RALYL: variants seen among roughly 807,000 people sequenced by gnomAD.
RALYL encodes the protein RNA-binding Raly-like protein.
RALYL carries 29 observed loss-of-function variants against 35.1 expected under a neutral mutation model. That is an observed-to-expected ratio of 0.83 (90% CI 0.61 to 1.13). The LOEUF (loss-of-function observed/expected upper bound fraction) is 1.13. RALYL is among the 50% of genes most tolerant of loss of function. The pLI is 0.00. For missense variants in RALYL, 359 were observed against 360.4 expected (o/e 1.00, Z 0.03); for synonymous variants, 120 against 127.6 (o/e 0.94, Z 0.40).
At chr8:84,723,066 G>A (rs538292439) in intron 2 of RALYL, among the ~76,000 whole-genome samples, 81 of 152,008 alleles carry the variant, frequency 5.3e-4, no homozygotes, top group African/African-American at 2.0e-3. Context: ...TAAAATTTTA[G>A]ATAATTTAAA....
intron 1 of RALYL, among the ~76,000 whole-genome samples, chr8:84,502,062 A>AT (rs1285342087): frequency 6.6e-6 from 1 of 151,840 alleles, no homozygotes; most frequent in African/African-American, 2.4e-5. Context: ...TCAAAATACC[A>AT]TTTTTTGACA....
intron 2 of RALYL, among the ~76,000 whole-genome samples, chr8:84,544,673 A>G (rs964040754): frequency 6.6e-6 from 1 of 152,078 alleles, no homozygotes; most frequent in Non-Finnish European, 1.5e-5. Flanking sequence ...ATTCCAAGAA[A>G]TGAGTGTGGG....
At chr8:84,644,550 C>T (rs1226316941) in intron 2 of RALYL, among the ~76,000 whole-genome samples, 2 of 152,018 alleles carry the variant, frequency 1.3e-5, no homozygotes, top group Non-Finnish European at 2.9e-5. Flanking sequence ...TAAGGAAGAT[C>T]TGACTGCTGG....
chr8:84,456,472 C>G (rs1018820464), intron 1 of RALYL, among the ~76,000 whole-genome samples: 2 of 151,872 alleles, frequency 1.3e-5, no homozygotes, highest in African/African-American at 2.4e-5. Context: ...AAATGTTCTT[C>G]TTTATTATGC....
intron 1 of RALYL, among the ~76,000 whole-genome samples, chr8:84,194,749 A>G (rs1814797973): frequency 6.6e-6 from 1 of 152,160 alleles, no homozygotes; most frequent in Non-Finnish European, 1.5e-5. Flanking sequence ...TGACTGAGAA[A>G]TGCTTAGTCA....
chr8:84,368,370 A>G, intron 1 of RALYL, among the ~76,000 whole-genome samples: 1 of 152,272 alleles, frequency 6.6e-6, no homozygotes, highest in Non-Finnish European at 1.5e-5. Flanking sequence ...ACAAAATTAT[A>G]TCTAAAATGC....
chr8:84,878,475 A>G (rs1270862038), intron 7 of RALYL, among the ~76,000 whole-genome samples: 1 of 152,056 alleles, frequency 6.6e-6, no homozygotes, highest in Non-Finnish European at 1.5e-5. Flanking sequence ...GCCAGTCAAT[A>G]TTTTAATGCC....
intron 1 of RALYL, among the ~76,000 whole-genome samples, chr8:84,485,481 G>A (rs1406077776): frequency 1.3e-5 from 2 of 152,104 alleles, no homozygotes; most frequent in African/African-American, 4.8e-5. Flanking sequence ...TCAGGAGGCT[G>A]AGACAGTAGC....
intron 2 of RALYL, among the ~76,000 whole-genome samples, chr8:84,550,170 A>G (rs2135413134): frequency 6.6e-6 from 1 of 151,860 alleles, no homozygotes; most frequent in African/African-American, 2.4e-5. Context: ...GAGAGCAAAC[A>G]TTTCTCTCAA....
At chr8:84,712,107 T>G (rs182653196) in intron 2 of RALYL, among the ~76,000 whole-genome samples, 1 of 152,160 alleles carries the variant, frequency 6.6e-6, no homozygotes, top group African/African-American at 2.4e-5. Context: ...TTGATGCTTG[T>G]AGGGAATTCT....
At chr8:84,701,858 T>C (rs1318431035) in intron 2 of RALYL, among the ~76,000 whole-genome samples, 2 of 152,136 alleles carry the variant, frequency 1.3e-5, no homozygotes, top group Admixed American at 1.3e-4. Context: ...CCTTGTGGGG[T>C]GTCATCTCCT....
At chr8:84,237,837 G>A (rs1240668251) in intron 1 of RALYL, among the ~76,000 whole-genome samples, 1 of 152,010 alleles carries the variant, frequency 6.6e-6, no homozygotes, top group African/African-American at 2.4e-5. Flanking sequence ...AAACTGAGGA[G>A]ATGAATTAAA....
chr8:84,478,321 C>T (rs949040187), intron 1 of RALYL, among the ~76,000 whole-genome samples: 5 of 151,830 alleles, frequency 3.3e-5, no homozygotes, highest in Admixed American at 3.3e-4. Flanking sequence ...GAGAATTTGT[C>T]GCGAAATGGA....
chr8:84,783,933 A>G (rs1227892654), intron 3 of RALYL, among the ~76,000 whole-genome samples: 1 of 152,224 alleles, frequency 6.6e-6, no homozygotes, highest in Non-Finnish European at 1.5e-5. Context: ...TCTAAAAGCT[A>G]GGGCTCAGGT....
At chr8:84,261,864 T>G (rs1312945604) in intron 1 of RALYL, among the ~76,000 whole-genome samples, 1 of 152,146 alleles carries the variant, frequency 6.6e-6, no homozygotes, top group Non-Finnish European at 1.5e-5. Flanking sequence ...AACTTTAAGC[T>G]GCATTTTTGA....
chr8:84,577,945 G>A (rs931446431), intron 2 of RALYL, among the ~76,000 whole-genome samples: 7 of 152,200 alleles, frequency 4.6e-5, no homozygotes, highest in Non-Finnish European at 1.0e-4. Flanking sequence ...GGGAAACTTA[G>A]GGTATTGCTT....
chr8:84,676,072 T>G (rs959637450), intron 2 of RALYL, among the ~76,000 whole-genome samples: 2 of 152,194 alleles, frequency 1.3e-5, no homozygotes, highest in Admixed American at 6.6e-5. Flanking sequence ...AACTGTTATT[T>G]GTCAAGTATA....
At chr8:84,819,486 G>C (rs907204722) in intron 4 of RALYL, among the ~76,000 whole-genome samples, 1 of 152,274 alleles carries the variant, frequency 6.6e-6, no homozygotes, top group South Asian at 2.1e-4. Flanking sequence ...AATCAATCAT[G>C]TATGTGCATA....
chr8:84,642,906 C>T (rs1435219538), intron 2 of RALYL, among the ~76,000 whole-genome samples: 4 of 152,018 alleles, frequency 2.6e-5, no homozygotes, highest in South Asian at 2.1e-4. Context: ...CCCACACCTA[C>T]ATGGTATGGG....
Sources: gnomAD v4.1 joint callset for allele counts (sites outside exome capture counted in the v4.1 genomes callset) on GRCh38, gnomAD v4.1.1 for gene constraint, MANE v1.5 for transcripts, NCBI Gene and HGNC (gene_info 2026-07-23, HGNC 2026-07-21) for gene names.